Variants in SLC2A4 observed in about 807,000 individuals in gnomAD.
SLC2A4 encodes the protein solute carrier family 2, facilitated glucose transporter member 4.
SLC2A4 carries 31 observed loss-of-function variants against 53.3 expected under a neutral mutation model. The observed-to-expected ratio is 0.58, with a 90% CI of 0.44 to 0.78. The LOEUF (loss-of-function observed/expected upper bound fraction) is 0.78, where lower values mean the gene tolerates loss of function less well. SLC2A4 is among the 30% of genes least tolerant of loss of function. The probability of loss-of-function intolerance (pLI) is 0.00; values close to 1 mark genes in which losing one functional copy is unlikely to be tolerated. For synonymous variants in SLC2A4, 276 were observed against 281.9 expected (o/e 0.98, Z 0.21); for missense variants, 538 against 655.7 (o/e 0.82, Z 1.96).
At position 7,283,117 on chromosome 17, in the gene SLC2A4, G is replaced by T; in HGVS notation, c.34-128G>T. 1.2e-6 allele frequency: 1 copy of T among 809,028 alleles called. No homozygotes were observed. 50.1% of individuals were successfully genotyped at this position (809,028 alleles called of 1,614,324 possible). On this transcript the variant is annotated intron_variant, in intron 1 of 10. Transcript: ENST00000317370. This position sits in a 1 kb window ranked among gnomAD's most constrained non-coding sequence, Gnocchi z 5.8. The stretch of plus-strand genomic sequence containing the variant: ...TTTGTGCAATTCCTAATATGGCCCA[G>T]TTTCCCTCACCCAACATGTTGGGTG...
Position 7,284,228 on chromosome 17 carries a change from G to C in SLC2A4, c.576G>C (p.Leu192Phe). The C allele has an allele frequency of 1.9e-6, 3 of 1,612,948 alleles. No individual in the cohort carries two copies. Among genetic ancestry groups the C allele is most frequent in the Non-Finnish European group, 1.7e-6 (2 of 1,180,024 alleles). The stretch of plus-strand genomic sequence containing the variant: ...ACCTTCTCCCACAGGTGCTGGGCTT[G>C]GAGTCCCTCCTGGGCACTGCCAGCC... ...IGILIAQVLG[L>F]ESLLGTASLW... Residue 192 changes from leucine to phenylalanine, a missense_variant, in exon 6 of 11, where the codon TTG becomes TTC. Transcript: ENST00000317370. This position sits in a 1 kb window ranked among gnomAD's most constrained non-coding sequence, Gnocchi z 7.5.
chr17:7,283,287 C>G lies in SLC2A4; in HGVS notation c.76C>G (p.Leu26Val). 6.2e-7 allele frequency: 1 copy of G among 1,614,202 alleles called. No individual in the cohort carries two copies. Among genetic ancestry groups the G allele is most frequent in the South Asian group, 1.1e-5 (1 of 91,084 alleles). Reference sequence around the variant, plus strand: ...GCAGCGAGTGACTGGGACCCTGGTCCTTGCTGTGTTCTCTGCGGTGCTTGG... The same window carrying G: ...GCAGCGAGTGACTGGGACCCTGGTCGTTGCTGTGTTCTCTGCGGTGCTTGG... Reference protein sequence around the residue: ...PQQRVTGTLVLAVFSAVLGSL... With the variant: ...PQQRVTGTLVVAVFSAVLGSL... Residue 26 changes from leucine (L) to valine (V), a missense_variant, in exon 2 of 11, where the codon CTT (leucine) becomes GTT (valine). Leu to Val is a conservative substitution (Grantham distance 32, BLOSUM62 1). Coordinates refer to ENST00000317370, the MANE Select transcript of SLC2A4 (RefSeq NM_001042.3). This position sits in a 1 kb window ranked among gnomAD's most constrained non-coding sequence, Gnocchi z 5.8.
At position 7,285,147 on chromosome 17, in the gene SLC2A4, G is replaced by A. The variant is rs374977011; in HGVS notation, c.1080G>A (p.Met360Ile). The A allele has an allele frequency of 5.8e-5, 93 of 1,603,982 alleles. No individual in the cohort carries two copies. Among genetic ancestry groups the A allele is most frequent in the Non-Finnish European group, 7.2e-5 (85 of 1,176,938 alleles). The change falls in exon 9 of 11, where the codon ATG (methionine) becomes ATA (isoleucine). Residue 360 changes from methionine (M) to isoleucine (I), a missense_variant. By Grantham distance (10) the Met-to-Ile change is conservative. Coordinates refer to ENST00000317370, the MANE Select transcript of SLC2A4 (RefSeq NM_001042.3). The surrounding 1 kb of genome is among the most constrained non-coding windows in gnomAD (Gnocchi z 6.0). ...RTLHLLGLAG[M>I]CGCAILMTVA... Reference sequence around the variant, plus strand: ...TCCATCTCCTGGGCCTGGCGGGCATGTGTGGCTGTGCCATCCTGATGACTG... The same window carrying A: ...TCCATCTCCTGGGCCTGGCGGGCATATGTGGCTGTGCCATCCTGATGACTG...
chr17:7,282,133 T>C lies in SLC2A4; in HGVS notation c.33+166T>C, dbSNP rs1430508854. 3 of 674,902 alleles carry C rather than the reference T, an allele frequency of 4.4e-6. No individual in the cohort carries two copies. Among genetic ancestry groups the C allele is most frequent in the Admixed American group, 2.2e-5 (1 of 46,084 alleles). 41.8% of individuals were successfully genotyped at this position (674,902 alleles called of 1,614,324 possible). On this transcript the variant is annotated intron_variant, in intron 1 of 10. Transcript: ENST00000317370. The surrounding 1 kb of genome is among the most constrained non-coding windows in gnomAD (Gnocchi z 4.1). ...CCTGGACAACCCGTGACTGTGAGAT[T>C]CCAATCCTACCAAAAGGCAGAGTGG...
rs1025169422 is a variant in SLC2A4 at position 7,281,858 on chromosome 17, C to G, written c.-77C>G. 16 of 1,499,386 alleles carry G rather than the reference C, an allele frequency of 1.1e-5. No homozygotes were observed. Among genetic ancestry groups the G allele is most frequent in the Non-Finnish European group, 1.5e-5 (16 of 1,098,332 alleles). The allele number at this position is 1,499,386 out of a possible 1,614,324, so 92.9% of individuals were successfully genotyped here. On this transcript the variant is annotated 5_prime_UTR_variant, in exon 1 of 11. Coordinates refer to ENST00000317370, the MANE Select transcript of SLC2A4 (RefSeq NM_001042.3). ...CCGCGGCCTCCGCAGGTTCTGCGCT[C>G]CAGGCCGGAGTCAGAGACTCCAGGA...
In SLC2A4 at chr17:7,281,953, CAGAT is replaced by C. The variant is rs1597598553; in HGVS notation, c.22_25del (p.Ile8AlafsTer12). On this transcript the variant is annotated frameshift_variant, in exon 1 of 11. Coordinates refer to ENST00000317370, the MANE Select transcript of SLC2A4 (RefSeq NM_001042.3). LOFTEE classifies it high-confidence loss of function. Reference sequence around the variant, plus strand: ...AGACGAGATGCCGTCGGGCTTCCAACAGATAGGCTCCGAAGTAGGATTCATCATG... The same window carrying C: ...AGACGAGATGCCGTCGGGCTTCCAACAGGCTCCGAAGTAGGATTCATCATG... 1 of 1,600,752 alleles carries C rather than the reference CAGAT, an allele frequency of 6.2e-7. No individual in the cohort carries two copies. The highest frequency in any genetic ancestry group is 8.5e-7 in the Non-Finnish European group (1 of 1,172,298).
Position 7,285,097 on chromosome 17 carries a change from G to C in SLC2A4, c.1030G>C (p.Val344Leu). Reference sequence around the variant, plus strand: ...CCGACTCTCCCCGCAGGTGTTGTTGGTGGAGCGGGCGGGGCGCCGGACGCT... The same window carrying C: ...CCGACTCTCCCCGCAGGTGTTGTTGCTGGAGCGGGCGGGGCGCCGGACGCT... ...TVFTLVSVLL[V>L]ERAGRRTLHL... Residue 344 changes from valine to leucine, a missense_variant, in exon 9 of 11, where the codon GTG (valine) becomes CTG (leucine). Physicochemically the swap from Val to Leu is conservative, Grantham distance 32 (BLOSUM62 1). Coordinates refer to ENST00000317370, the MANE Select transcript of SLC2A4 (RefSeq NM_001042.3). This position sits in a 1 kb window ranked among gnomAD's most constrained non-coding sequence, Gnocchi z 6.0. 1.2e-6 allele frequency: 2 copies of C among 1,605,582 alleles called. No homozygotes were observed. Among genetic ancestry groups the C allele is most frequent in the Non-Finnish European group, 1.7e-6 (2 of 1,177,072 alleles).
chr17:7,282,001 G>GGGGGGGGGGGC lies in SLC2A4; in HGVS notation c.33+34_33+35insGGGGGGGGGGC. The GGGGGGGGGGGC allele has an allele frequency of 3.7e-6, 2 of 535,038 alleles. No homozygotes were observed. The highest frequency in any genetic ancestry group is 4.7e-5 in the East Asian group (1 of 21,068). 33.1% of individuals were successfully genotyped at this position (535,038 alleles called of 1,614,324 possible). A position where few individuals can be genotyped will look rare whatever the true frequency, so the allele number is the denominator to read the frequency against. On this transcript the variant is annotated intron_variant, in intron 1 of 10. Coordinates refer to ENST00000317370, the MANE Select transcript of SLC2A4 (RefSeq NM_001042.3). This position sits in a 1 kb window ranked among gnomAD's most constrained non-coding sequence, Gnocchi z 4.1. ...CATCATGAGGGGGCGGGGCGGGGGGGCACGGGTCCCGCTTTTCTTGGGCTG... is the reference window on the plus strand; with the variant it reads ...CATCATGAGGGGGCGGGGCGGGGGGGGGGGGGGGGGCCACGGGTCCCGCTTTTCTTGGGCTG...
rs953787828 is a variant in SLC2A4, at chr17:7,283,819, T to G, written c.405T>G (p.Tyr135Ter). The part of the protein sequence containing the change: ...LMGLANAAAS[Y>*]EMLILGRFLI... ...GCCTGGCCAATGCTGCTGCCTCCTA[T>G]GAAATGCTCATCCTTGGACGATTCC... Residue 135 changes from tyrosine to a stop codon, truncating the protein, a stop_gained, in exon 4 of 11, where the codon TAT (tyrosine) becomes TAG (stop). Coordinates refer to ENST00000317370, the MANE Select transcript of SLC2A4 (RefSeq NM_001042.3). LOFTEE classifies it high-confidence loss of function. This position sits in a 1 kb window ranked among gnomAD's most constrained non-coding sequence, Gnocchi z 5.8. The G allele has an allele frequency of 5.6e-6, 9 of 1,614,114 alleles. No homozygotes were observed. Among genetic ancestry groups the G allele is most frequent in the Non-Finnish European group, 6.8e-6 (8 of 1,179,988 alleles).
In SLC2A4 at chr17:7,286,738, A is replaced by G; in HGVS notation, c.*109A>G. ...CTTCCCTATTATTTCCGGGTGGAAA[A>G]GAATCCCTGCAGCCTGGTAGAATTG... is the stretch of plus-strand genomic sequence containing the variant. On this transcript the variant is annotated 3_prime_UTR_variant, in exon 11 of 11. Transcript: ENST00000317370. 9.6e-7 allele frequency: 1 copy of G among 1,044,596 alleles called. No homozygotes were observed. 64.7% of individuals were successfully genotyped at this position (1,044,596 alleles called of 1,614,324 possible).
In SLC2A4 at chr17:7,285,984, G is replaced by C; in HGVS notation, c.1326+76G>C. On this transcript the variant is annotated intron_variant, in intron 10 of 10. Transcript: ENST00000317370. This position sits in a 1 kb window ranked among gnomAD's most constrained non-coding sequence, Gnocchi z 6.0. ...ACACAGCTAGCCCACCTGCTTCCCC[G>C]TCAGGGACTCCTCCAGCCACAGACC... 7.4e-7 allele frequency: 1 copy of C among 1,356,894 alleles called. No individual in the cohort carries two copies. The allele number at this position is 1,356,894 out of a possible 1,614,324, so 84.1% of individuals were successfully genotyped here.
chr17:7,283,275 G>T lies in SLC2A4; in HGVS notation c.64G>T (p.Gly22Trp). Residue 22 changes from glycine to tryptophan, a missense_variant, in exon 2 of 11, where the codon GGG becomes TGG. By Grantham distance (184) the Gly-to-Trp change is radical. Transcript: ENST00000317370. The surrounding 1 kb of genome is among the most constrained non-coding windows in gnomAD (Gnocchi z 5.8). Reference protein sequence around the residue: ...DGEPPQQRVTGTLVLAVFSAV... With the variant: ...DGEPPQQRVTWTLVLAVFSAV... ...GGAACCCCCTCAGCAGCGAGTGACT[G>T]GGACCCTGGTCCTTGCTGTGTTCTC... 6.2e-7 allele frequency: 1 copy of T among 1,614,166 alleles called. No individual in the cohort carries two copies. The highest frequency in any genetic ancestry group is 8.5e-7 in the Non-Finnish European group (1 of 1,180,010).
In SLC2A4 at chr17:7,283,077, G is replaced by A; in HGVS notation, c.34-168G>A. On this transcript the variant is annotated intron_variant, in intron 1 of 10. Transcript: ENST00000317370. This position sits in a 1 kb window ranked among gnomAD's most constrained non-coding sequence, Gnocchi z 5.8. ...ATGCCCAGGTTGCAGTTCAGCTCCT[G>A]TTTACATTGAGATCTTTGTGCAATT... 1.3e-6 allele frequency: 1 copy of A among 743,770 alleles called. No individual in the cohort carries two copies. The highest frequency in any genetic ancestry group is 2.5e-6 in the Non-Finnish European group (1 of 403,204). The allele number at this position is 743,770 out of a possible 1,614,324, so 46.1% of individuals were successfully genotyped here.
rs760856910 is a variant in SLC2A4, at chr17:7,284,607, C to T, written c.850C>T (p.His284Tyr). ...SLLQLLGSRT[H>Y]RQPLIIAVVL... ...GCTCCAGCTCCTGGGCAGCCGTACC[C>T]ACCGGCAGCCCCTGATCATTGCGGT... The change falls in exon 7 of 11, where the codon CAC (histidine) becomes TAC (tyrosine). Residue 284 changes from histidine (H) to tyrosine (Y), a missense_variant. His to Tyr is a moderately conservative substitution (Grantham distance 83, BLOSUM62 2). Transcript: ENST00000317370. This position sits in a 1 kb window ranked among gnomAD's most constrained non-coding sequence, Gnocchi z 7.5. The T allele has an allele frequency of 6.2e-7, 1 of 1,614,152 alleles. No individual in the cohort carries two copies. The highest frequency in any genetic ancestry group is 1.1e-5 in the South Asian group (1 of 91,084).
In SLC2A4 at chr17:7,282,676, T is replaced by C. The variant is rs1037890554; in HGVS notation, c.34-569T>C. Among the ~76,000 whole-genome samples the C allele has an allele frequency of 2.6e-5, 4 of 152,248 alleles. No individual in the cohort carries two copies. Among genetic ancestry groups the C allele is most frequent in the Non-Finnish European group, 5.9e-5 (4 of 68,028 alleles). On this transcript the variant is annotated intron_variant, in intron 1 of 10. Transcript: ENST00000317370. The surrounding 1 kb of genome is among the most constrained non-coding windows in gnomAD (Gnocchi z 4.1). ...AGGCCACCCCTAGATGACCGGGATGTCCTTTCTGGAACAGCACTTCTTGGT... is the reference window on the plus strand; with the variant it reads ...AGGCCACCCCTAGATGACCGGGATGCCCTTTCTGGAACAGCACTTCTTGGT...
chr17:7,282,024 C>T lies in SLC2A4; in HGVS notation c.33+57C>T. On this transcript the variant is annotated intron_variant, in intron 1 of 10. Transcript: ENST00000317370. This position sits in a 1 kb window ranked among gnomAD's most constrained non-coding sequence, Gnocchi z 4.1. ...GGGCACGGGTCCCGCTTTTCTTGGG[C>T]TGGGGTCGCGGTTGGGGTCAGCTGG... 6.8e-7 allele frequency: 1 copy of T among 1,462,826 alleles called. No homozygotes were observed. 90.6% of individuals were successfully genotyped at this position (1,462,826 alleles called of 1,614,324 possible). A position where few individuals can be genotyped will look rare whatever the true frequency, so the allele number is the denominator to read the frequency against.
In SLC2A4 at chr17:7,282,103, C is replaced by T; in HGVS notation, c.33+136C>T. On this transcript the variant is annotated intron_variant, in intron 1 of 10. Coordinates refer to ENST00000317370, the MANE Select transcript of SLC2A4 (RefSeq NM_001042.3). This position sits in a 1 kb window ranked among gnomAD's most constrained non-coding sequence, Gnocchi z 4.1. The stretch of plus-strand genomic sequence containing the variant: ...GAAGGTAGGGGGCTGGCTATTTATA[C>T]CCGGCCTGGACAACCCGTGACTGTG... The T allele has an allele frequency of 1.3e-6, 1 of 765,418 alleles. No individual in the cohort carries two copies. The highest frequency in any genetic ancestry group is 2.3e-6 in the Non-Finnish European group (1 of 443,442). The allele number at this position is 765,418 out of a possible 1,614,324, so 47.4% of individuals were successfully genotyped here.
rs1037890554 is a variant in SLC2A4, at chr17:7,282,676, T to A, written c.34-569T>A. ...AGGCCACCCCTAGATGACCGGGATGTCCTTTCTGGAACAGCACTTCTTGGT... is the reference window on the plus strand; with the variant it reads ...AGGCCACCCCTAGATGACCGGGATGACCTTTCTGGAACAGCACTTCTTGGT... On this transcript the variant is annotated intron_variant, in intron 1 of 10. Coordinates refer to ENST00000317370, the MANE Select transcript of SLC2A4 (RefSeq NM_001042.3). The surrounding 1 kb of genome is among the most constrained non-coding windows in gnomAD (Gnocchi z 4.1). Among the ~76,000 whole-genome samples the A allele has an allele frequency of 9.9e-5, 15 of 152,248 alleles. No individual in the cohort carries two copies. Among genetic ancestry groups the A allele is most frequent in the African/African-American group, 3.4e-4 (14 of 41,468 alleles).
At position 7,283,164 on chromosome 17, in the gene SLC2A4, C is replaced by G. The variant is rs2072416385; in HGVS notation, c.34-81C>G. 8.9e-7 allele frequency: 1 copy of G among 1,120,946 alleles called. No individual in the cohort carries two copies. Among genetic ancestry groups the G allele is most frequent in the Non-Finnish European group, 1.4e-6 (1 of 731,476 alleles). The allele number at this position is 1,120,946 out of a possible 1,614,324, so 69.4% of individuals were successfully genotyped here. A position where few individuals can be genotyped will look rare whatever the true frequency, so the allele number is the denominator to read the frequency against. On this transcript the variant is annotated intron_variant, in intron 1 of 10. Transcript: ENST00000317370. This position sits in a 1 kb window ranked among gnomAD's most constrained non-coding sequence, Gnocchi z 5.8. Reference sequence around the variant, plus strand: ...GGTGGAGCCCAGTATCTTCAGGCTCCAGCTGGGCCCGGGCCCCTAGCGGAA... The same window carrying G: ...GGTGGAGCCCAGTATCTTCAGGCTCGAGCTGGGCCCGGGCCCCTAGCGGAA...
Sources: gnomAD v4.1 joint callset for allele counts (sites outside exome capture counted in the v4.1 genomes callset) on GRCh38, gnomAD v4.1.1 for gene constraint, Gnocchi (gnomAD v3.1) non-coding constraint, MANE v1.5 for transcripts, NCBI Gene and HGNC (gene_info 2026-07-23, HGNC 2026-07-21) for gene names.